Variants in COL27A1 observed in about 807,000 individuals in gnomAD.
The protein encoded by COL27A1 is collagen alpha-1(XXVII) chain.
A neutral mutation model predicts 251.3 loss-of-function variants in COL27A1; 106 were observed. The observed-to-expected ratio is 0.42, with a 90% CI of 0.36 to 0.50. The LOEUF (loss-of-function observed/expected upper bound fraction) is 0.50. COL27A1 is among the 20% of genes least tolerant of loss of function. COL27A1 has a pLI of 0.00. For synonymous variants in COL27A1, 1,000 were observed against 986.3 expected, an observed-to-expected ratio of 1.01 and a Z score of -0.26; for missense variants, 2,325 against 2,522.8, an observed-to-expected ratio of 0.92 and a Z score of 1.68.
intron 14 of COL27A1, among the ~76,000 whole-genome samples, chr9:114,228,461 A>C (rs1831674544): frequency 6.6e-6 from 1 of 152,204 alleles, no homozygotes; most frequent in African/African-American, 2.4e-5. Flanking sequence ...GTGGACATGC[A>C]GCTCTCTGCA....
At position 114,205,745 on chromosome 9, in the gene COL27A1, CTG is replaced by C; in HGVS notation, c.2170-12_2170-11del. On this transcript the variant is annotated splice_polypyrimidine_tract_variant and intron_variant, in intron 8 of 60. Transcript: ENST00000356083. ...GTCTTTCTTTTCCTTATGTTTCTCT[CTG>C]TTCCTTTGCAGGGGCAGCCAGGACC... The C allele has an allele frequency of 5.0e-6, 8 of 1,613,656 alleles. No homozygotes were observed. The highest frequency in any genetic ancestry group is 6.8e-6 in the Non-Finnish European group (8 of 1,179,554).
At chr9:114,253,620 C>T (rs1833725025) in intron 27 of COL27A1, among the ~76,000 whole-genome samples, 1 of 152,170 alleles carries the variant, frequency 6.6e-6, no homozygotes, top group Non-Finnish European at 1.5e-5. Context: ...CACTTTCTGA[C>T]TATAATCCTG....
chr9:114,257,929 G>A (rs1035790926), intron 27 of COL27A1, among the ~76,000 whole-genome samples: 1 of 152,188 alleles, frequency 6.6e-6, no homozygotes. Context: ...TGGATGCAGT[G>A]GCTCACACCT....
At chr9:114,250,900 A>G (rs916776459) in intron 25 of COL27A1, among the ~76,000 whole-genome samples, 2 of 152,076 alleles carry the variant, frequency 1.3e-5, no homozygotes, top group African/African-American at 4.8e-5. Flanking sequence ...TTGTGTGACA[A>G]CCAGCAGATG....
chr9:114,243,944 T>TTTG (rs1832940196), intron 23 of COL27A1, among the ~76,000 whole-genome samples: 1 of 147,416 alleles, frequency 6.8e-6, no homozygotes, highest in African/African-American at 2.5e-5. Context: ...TTTTTTTTTT[T>TTTG]GAGATGGAGT....
chr9:114,280,614 G>A (rs1271592807), intron 37 of COL27A1, among the ~76,000 whole-genome samples: 2 of 152,208 alleles, frequency 1.3e-5, no homozygotes, highest in African/African-American at 2.4e-5. Flanking sequence ...GAGGCCACGG[G>A]GCTAGTCCCA....
intron 58 of COL27A1, 21 bp downstream of exon 58, chr9:114,306,709 G>A: frequency 1.2e-6 from 2 of 1,607,658 alleles, no homozygotes; most frequent in African/African-American, 1.3e-5. Flanking sequence ...TTCCTGCCGG[G>A]GGTGGGTGCG....
At chr9:114,298,832 A>C (rs1215610980) in intron 49 of COL27A1, among the ~76,000 whole-genome samples, 1 of 152,266 alleles carries the variant, frequency 6.6e-6, no homozygotes, top group African/African-American at 2.4e-5. Context: ...CACCATCAAG[A>C]AAGTGAAAAA....
At chr9:114,257,827 G>C (rs1163029301) in intron 27 of COL27A1, among the ~76,000 whole-genome samples, 1 of 152,206 alleles carries the variant, frequency 6.6e-6, no homozygotes, top group Non-Finnish European at 1.5e-5. Flanking sequence ...GTGAGGGACA[G>C]AACTTGGGTC....
chr9:114,225,822 C>T lies in COL27A1; in HGVS notation c.2466+3555C>T, dbSNP rs539697409. On this transcript the variant is annotated intron_variant, in intron 14 of 60. Coordinates refer to ENST00000356083, the MANE Select transcript of COL27A1 (RefSeq NM_032888.4). ...CTTCCGTCCCCCGGGTCCCTGCAGC[C>T]GGGAGGAAGGGCGTGAGAGGACAAA... 6.6e-5 allele frequency among the ~76,000 whole-genome samples: 10 copies of T among 152,296 alleles called. No homozygotes were observed. The East Asian group carries it at 7.7e-4, about 12-fold the overall frequency.
intron 16 of COL27A1, 64 bp from the exon 17 acceptor site, chr9:114,235,535 G>A: frequency 1.6e-6 from 2 of 1,274,794 alleles, no homozygotes; most frequent in South Asian, 1.2e-5. Context: ...CAGGGGGTCT[G>A]TGGGGGAGGC....
intron 28 of COL27A1, among the ~76,000 whole-genome samples, chr9:114,259,299 T>C (rs975525843): frequency 2.0e-5 from 3 of 152,114 alleles, no homozygotes; most frequent in South Asian, 2.1e-4. Context: ...TCCAAGGGCA[T>C]TGGGAGGCTG....
chr9:114,301,837 C>G (rs1365111297), intron 55 of COL27A1, 120 bp downstream of exon 55: 1 of 1,043,350 alleles, frequency 9.6e-7, no homozygotes, highest in Non-Finnish European at 1.4e-6. Flanking sequence ...TTGTAGCCCA[C>G]AGACTCCTAG....
At chr9:114,186,406 T>C (rs1189833179) in intron 5 of COL27A1, among the ~76,000 whole-genome samples, 2 of 152,240 alleles carry the variant, frequency 1.3e-5, no homozygotes, top group Non-Finnish European at 2.9e-5. Context: ...GCATGGTCCC[T>C]GCCCTTGGGG....
chr9:114,232,011 C>A, intron 16 of COL27A1, 145 bp downstream of exon 16: 2 of 788,736 alleles, frequency 2.5e-6, no homozygotes, highest in Non-Finnish European at 4.3e-6. Context: ...TCTGTGCTCC[C>A]TAGCTTCTTC....
At chr9:114,160,103 A>C (rs1279647788) in intron 1 of COL27A1, among the ~76,000 whole-genome samples, 1 of 152,170 alleles carries the variant, frequency 6.6e-6, no homozygotes, top group Non-Finnish European at 1.5e-5. Context: ...GCAATTCTGG[A>C]AAAAGTCAGA....
intron 41 of COL27A1, among the ~76,000 whole-genome samples, chr9:114,287,567 G>A (rs16927839): frequency 0.031 from 4,730 of 152,028 alleles, 171 homozygotes; most frequent in African/African-American, 0.079. Flanking sequence ...TATTGTTACC[G>A]GCTACGGCAA....
Position 114,290,366 on chromosome 9 carries a change from C to T in COL27A1, c.4368+35C>T, listed in dbSNP as rs767143385. ...AATTGGCATTAACAGATGGTGGCTC[C>T]ATTTGGGACCAGGTGTAGGGGAACT... On this transcript the variant is annotated intron_variant, in intron 47 of 60. Transcript: ENST00000356083. This position sits in a 1 kb window ranked among gnomAD's most constrained non-coding sequence, Gnocchi z 4.6. 5.9e-6 allele frequency: 9 copies of T among 1,518,234 alleles called. No homozygotes were observed. The South Asian group carries it at 1.1e-4, about 18-fold the overall frequency. The allele number at this position is 1,518,234 out of a possible 1,614,324, so 94.0% of individuals were successfully genotyped here.
chr9:114,170,964 C>A lies in COL27A1; in HGVS notation c.1908+1501C>A, dbSNP rs367569886. On this transcript the variant is annotated intron_variant, in intron 3 of 60. Transcript: ENST00000356083. ...TCTCAATTCTGGCCACACAGCACAA[C>A]CCAGCCCTGAGGAGGAGGCCGGCCC... 2.6e-5 allele frequency among the ~76,000 whole-genome samples: 4 copies of A among 152,214 alleles called. No homozygotes were observed. The East Asian group carries it at 7.7e-4, about 29-fold the overall frequency.
Sources: allele counts gnomAD v4.1 joint callset (sites outside exome capture counted in the v4.1 genomes callset), GRCh38; gene constraint gnomAD v4.1.1; non-coding constraint Gnocchi (gnomAD v3.1); transcripts MANE v1.5; gene names NCBI Gene and HGNC (gene_info 2026-07-23, HGNC 2026-07-21).